Variants in PLCB1 observed in about 807,000 individuals in gnomAD.
The protein encoded by PLCB1 is phospholipase C beta 1, also known as 1-phosphatidylinositol 4,5-bisphosphate phosphodiesterase beta-1.
Under a neutral mutation model 161.8 loss-of-function variants are expected in PLCB1, and 46 were observed. The observed-to-expected ratio is 0.28, with a 90% confidence interval of 0.22 to 0.36. The LOEUF (loss-of-function observed/expected upper bound fraction) is 0.36, where lower values mean the gene tolerates loss of function less well. Ranked by LOEUF, PLCB1 falls within the 10% of genes least tolerant of loss-of-function variation. The probability of loss-of-function intolerance (pLI) is 1.00; values close to 1 mark genes in which losing one functional copy is unlikely to be tolerated. For synonymous variants in PLCB1, 517 were observed against 503.7 expected (o/e 1.03, Z -0.35); for missense variants, 1,016 against 1,472.5 (o/e 0.69, Z 5.07).
At chr20:8,547,717 A>T (rs1437834477) in intron 3 of PLCB1, among the ~76,000 whole-genome samples, 2 of 152,072 alleles carry the variant, frequency 1.3e-5, no homozygotes, top group African/African-American at 4.8e-5. Flanking sequence ...GCTCCTCTCC[A>T]GTGTTTTCTC....
At chr20:8,384,831 C>T (rs1176052958) in intron 3 of PLCB1, among the ~76,000 whole-genome samples, 2 of 152,146 alleles carry the variant, frequency 1.3e-5, no homozygotes, top group Admixed American at 1.3e-4. Flanking sequence ...AGGCCCTATT[C>T]ATCTGGTTTG....
At chr20:8,845,392 T>C (rs1029014382) in intron 31 of PLCB1, among the ~76,000 whole-genome samples, 2 of 152,236 alleles carry the variant, frequency 1.3e-5, no homozygotes, top group African/African-American at 4.8e-5. Flanking sequence ...TGAAATGTTC[T>C]TTCTGTATTT....
chr20:8,373,576 G>A (rs898725331), intron 3 of PLCB1, among the ~76,000 whole-genome samples: 1 of 152,168 alleles, frequency 6.6e-6, no homozygotes, highest in Non-Finnish European at 1.5e-5. Flanking sequence ...TACAGGTGTG[G>A]TGTGGGCATG....
At chr20:8,537,562 G>A (rs892036451) in intron 3 of PLCB1, among the ~76,000 whole-genome samples, 1 of 152,002 alleles carries the variant, frequency 6.6e-6, no homozygotes, top group African/African-American at 2.4e-5. Flanking sequence ...TTCTTGGTGG[G>A]GTGTGCGGGG....
At chr20:8,556,901 A>AT (rs1985975211) in intron 3 of PLCB1, among the ~76,000 whole-genome samples, 2 of 151,640 alleles carry the variant, frequency 1.3e-5, no homozygotes, top group South Asian at 4.2e-4. Flanking sequence ...AACATCAGTA[A>AT]TCCCTCAGGA....
At chr20:8,631,409 C>G (rs137970106) in intron 4 of PLCB1, among the ~76,000 whole-genome samples, 21 of 152,330 alleles carry the variant, frequency 1.4e-4, no homozygotes, top group African/African-American at 3.8e-4. Flanking sequence ...AAAACATTAA[C>G]TATGGTCTGA....
chr20:8,846,965 A>T (rs1986710613), intron 31 of PLCB1, among the ~76,000 whole-genome samples: 2 of 152,180 alleles, frequency 1.3e-5, no homozygotes, highest in Non-Finnish European at 2.9e-5. Context: ...ACCTTCTGAG[A>T]CAAGGACTCT....
chr20:8,276,070 A>C (rs763734625), intron 2 of PLCB1, among the ~76,000 whole-genome samples: 3 of 152,194 alleles, frequency 2.0e-5, no homozygotes, highest in Non-Finnish European at 4.4e-5. Flanking sequence ...TTCAGATAAG[A>C]TGCACTGTCA....
At chr20:8,556,839 A>G (rs1374051231) in intron 3 of PLCB1, among the ~76,000 whole-genome samples, 2 of 151,932 alleles carry the variant, frequency 1.3e-5, no homozygotes, top group East Asian at 3.9e-4. Context: ...GTTTGAATAG[A>G]CATTTATCCA....
intron 9 of PLCB1, among the ~76,000 whole-genome samples, chr20:8,659,854 T>C (rs915551166): frequency 6.6e-6 from 1 of 151,996 alleles, no homozygotes; most frequent in Admixed American, 6.6e-5. Flanking sequence ...TAGTCTGGCA[T>C]GATGGCGCAT....
chr20:8,356,341 T>C (rs1477924817), intron 2 of PLCB1, among the ~76,000 whole-genome samples: 1 of 152,166 alleles, frequency 6.6e-6, no homozygotes, highest in African/African-American at 2.4e-5. Context: ...TAATGCAGAT[T>C]GCTAGGTCCC....
chr20:8,366,087 C>T (rs966843725), intron 2 of PLCB1, among the ~76,000 whole-genome samples: 9 of 152,128 alleles, frequency 5.9e-5, no homozygotes, highest in East Asian at 1.9e-4. Context: ...CCTGCTTTCT[C>T]GTCACTCATT....
intron 2 of PLCB1, among the ~76,000 whole-genome samples, chr20:8,310,764 C>T (rs1032791251): frequency 6.6e-6 from 1 of 152,142 alleles, no homozygotes; most frequent in African/African-American, 2.4e-5. Flanking sequence ...TCGTTTCCAT[C>T]TTGATGTCTG....
At position 8,632,028 on chromosome 20, in the gene PLCB1, T is replaced by G. The variant is rs558179568; in HGVS notation, c.384+3597T>G. Among the ~76,000 whole-genome samples the G allele has an allele frequency of 1.0e-4, 9 of 88,638 alleles. No individual in the cohort carries two copies. The East Asian group carries it at 1.9e-3, about 19-fold the overall frequency. 58.1% of individuals were successfully genotyped at this position (88,638 alleles called of 152,430 possible). A position where few individuals can be genotyped will look rare whatever the true frequency, so the allele number is the denominator to read the frequency against. The stretch of plus-strand genomic sequence containing the variant: ...CTCCTGGAGGAGACAAATATGGGTT[T>G]TTTTTGCTTTTTTTTTTTTTTTTTT... On this transcript the variant is annotated intron_variant, in intron 4 of 31. Transcript: ENST00000338037.
At chr20:8,311,794 G>T (rs1025051711) in intron 2 of PLCB1, among the ~76,000 whole-genome samples, 1 of 152,158 alleles carries the variant, frequency 6.6e-6, no homozygotes, top group African/African-American at 2.4e-5. Flanking sequence ...AAATCTTGTG[G>T]AATGTGGCTG....
intron 22 of PLCB1, 29 bp from the exon 23 acceptor site, chr20:8,741,435 T>G (rs1397167954): frequency 6.8e-7 from 1 of 1,472,566 alleles, no homozygotes; most frequent in Non-Finnish European, 9.5e-7. Flanking sequence ...TCCAGGACCT[T>G]TGATCTAAAA....
Position 8,250,394 on chromosome 20 carries a change from A to G in PLCB1, c.177+100023A>G, listed in dbSNP as rs184836648. On this transcript the variant is annotated intron_variant, in intron 2 of 31. Transcript: ENST00000338037. ...AAATACCTGTATTGTCTATGTTACA[A>G]TTTTCGCATCTATTTTACTTTATTA... 4.1e-4 allele frequency among the ~76,000 whole-genome samples: 63 copies of G among 151,948 alleles called. No individual in the cohort carries two copies. The East Asian group carries it at 0.011, about 25-fold the overall frequency.
At chr20:8,358,947 A>T (rs1166286158) in intron 2 of PLCB1, among the ~76,000 whole-genome samples, 1 of 152,214 alleles carries the variant, frequency 6.6e-6, no homozygotes, top group Non-Finnish European at 1.5e-5. Flanking sequence ...AAATTTAAGA[A>T]TTAACTTGTT....
intron 31 of PLCB1, among the ~76,000 whole-genome samples, chr20:8,812,624 T>G (rs980706803): frequency 1.3e-5 from 2 of 152,176 alleles, no homozygotes; most frequent in African/African-American, 4.8e-5. Context: ...CACAGACCTA[T>G]GAGGATGCAG....
Sources: allele counts gnomAD v4.1 joint callset (sites outside exome capture counted in the v4.1 genomes callset), GRCh38; gene constraint gnomAD v4.1.1; transcripts MANE v1.5; gene names NCBI Gene and HGNC (gene_info 2026-07-23, HGNC 2026-07-21).